The following C19orf25 variants were observed in gnomAD, a reference collection of about 807,000 sequenced individuals.
C19orf25 encodes the protein UPF0449 protein C19orf25.
C19orf25 carries 1 observed loss-of-function variant against 3.1 expected under a neutral mutation model. The ratio of observed to expected loss-of-function variants is 0.32; its 90% CI spans 0.12 to 1.54. The LOEUF (loss-of-function observed/expected upper bound fraction) is 1.54, where lower values mean the gene tolerates loss of function less well. Ranked by LOEUF, C19orf25 falls within the 40% of genes most tolerant of loss-of-function variation. The pLI, the probability that C19orf25 is intolerant of heterozygous loss-of-function variation, is 0.38. For synonymous variants in C19orf25, 91 were observed against 74.3 expected (o/e 1.23, Z -1.16); for missense variants, 196 against 160.4 (o/e 1.22, Z -1.20).
At chr19:1,476,297 G>A (rs2084205092) in intron 2 of C19orf25, 2 of 398,612 alleles carry the variant, frequency 5.0e-6, no homozygotes, top group South Asian at 1.3e-4. Flanking sequence ...GTCATCACCT[G>A]CTTTAGCAAC....
rs181943332 is a variant in C19orf25, at chr19:1,474,954, C to A, written c.*78G>T. 2 of 1,530,820 alleles carry A rather than the reference C, an allele frequency of 1.3e-6. No homozygotes were observed. The highest frequency in any genetic ancestry group is 4.9e-5 in the East Asian group (2 of 40,690). 94.8% of individuals were successfully genotyped at this position (1,530,820 alleles called of 1,614,324 possible). ...GGGCTGGGACCCCGTGAATGCCAGT[C>A]TGGGGCCGACGGACCCCCAGGGAAA... On this transcript the variant is annotated 3_prime_UTR_variant, in exon 3 of 3. Transcript: ENST00000585675.
Position 1,474,842 on chromosome 19 carries a change from G to C in C19orf25, c.*190C>G, listed in dbSNP as rs1465344928. 2 of 1,468,728 alleles carry C rather than the reference G, an allele frequency of 1.4e-6. No homozygotes were observed. The highest frequency in any genetic ancestry group is 1.8e-6 in the Non-Finnish European group (2 of 1,110,680). The allele number at this position is 1,468,728 out of a possible 1,614,324, so 91.0% of individuals were successfully genotyped here. A position where few individuals can be genotyped will look rare whatever the true frequency, so the allele number is the denominator to read the frequency against. On this transcript the variant is annotated 3_prime_UTR_variant, in exon 3 of 3. Coordinates refer to ENST00000585675, the MANE Select transcript of C19orf25 (RefSeq NM_152482.3). ...AGGTCACGCAGGACGGAGCCAGCTG[G>C]GTGGGTCCCACCAACTCGGCATGAA... is the stretch of plus-strand genomic sequence containing the variant.
rs373394316 is a variant in C19orf25 at position 1,475,189 on chromosome 19, C to G, written c.200G>C (p.Arg67Pro). The change falls in exon 3 of 3, where the codon CGG (arginine) becomes CCG (proline). Residue 67 changes from arginine to proline, a missense_variant. Physicochemically the swap from Arg to Pro is moderately radical, Grantham distance 103. Coordinates refer to ENST00000585675, the MANE Select transcript of C19orf25 (RefSeq NM_152482.3). ...APGEQLYQQS[R>P]AYVAANQRLQ... ...CCGCTGGTTGGCAGCCACGTAGGCC[C>G]GGCTTTGCTGGTAGAGCTGCTCTCC... The G allele has an allele frequency of 6.4e-7, 1 of 1,570,682 alleles. No homozygotes were observed. The highest frequency in any genetic ancestry group is 8.6e-7 in the Non-Finnish European group (1 of 1,159,150).
chr19:1,478,613 C>T (rs145593744), intron 2 of C19orf25, 161 bp downstream of exon 2: 1 of 1,416,528 alleles, frequency 7.1e-7, no homozygotes, highest in East Asian at 2.8e-5. Flanking sequence ...ATCGGTCCCA[C>T]TCTACGGAGG....
chr19:1,478,685 G>A (rs1454708024), intron 2 of C19orf25, 89 bp downstream of exon 2: 1 of 1,518,020 alleles, frequency 6.6e-7, no homozygotes, highest in Non-Finnish European at 8.8e-7. Flanking sequence ...CCCAGGGCGT[G>A]GGGTCAGGAG....
intron 2 of C19orf25, 96 bp from the exon 3 acceptor site, chr19:1,475,354 C>T (rs1164156776): frequency 1.0e-5 from 13 of 1,272,164 alleles, no homozygotes; most frequent in Non-Finnish European, 1.3e-5. Context: ...TCCCTGCAGT[C>T]CCCGAGTGAG....
chr19:1,476,914 C>T (rs1184215406), intron 2 of C19orf25, among the ~76,000 whole-genome samples: 3 of 151,294 alleles, frequency 2.0e-5, no homozygotes, highest in Non-Finnish European at 4.4e-5. Context: ...CTGCACCTGG[C>T]CCCAGAATTT....
At position 1,475,145 on chromosome 19, in the gene C19orf25, C is replaced by G; in HGVS notation, c.244G>C (p.Val82Leu). 6.3e-7 allele frequency: 1 copy of G among 1,592,320 alleles called. No individual in the cohort carries two copies. The highest frequency in any genetic ancestry group is 8.5e-7 in the Non-Finnish European group (1 of 1,170,714). The change falls in exon 3 of 3, where the codon GTG becomes CTG. Residue 82 changes from valine to leucine, a missense_variant. Coordinates refer to ENST00000585675, the MANE Select transcript of C19orf25 (RefSeq NM_152482.3). ...ANQRLQQAGN[V>L]LRQRCELLQR... ...AGGAGCTCACACCTCTGCCTCAGCA[C>G]GTTGCCCGCCTGCTGCAGCCGCTGG...
intron 2 of C19orf25, among the ~76,000 whole-genome samples, chr19:1,477,270 G>T (rs1227575712): frequency 6.6e-6 from 1 of 152,158 alleles, no homozygotes. Flanking sequence ...CCAAAGTGCT[G>T]GGATTACAGG....
rs1323302346 is a variant in C19orf25, at chr19:1,478,852, G to C, written c.52C>G (p.Pro18Ala). 1 of 1,595,428 alleles carries C rather than the reference G, an allele frequency of 6.3e-7. No homozygotes were observed. ...TCCTCCAGGATCTGCTCCACCGTGG[G>C]GGGCGCTGGGCGGGTGGGCAGCAGC... ...RVLLPTRPAP[P>A]TVEQILEDVR... The change falls in exon 2 of 3, where the codon CCC becomes GCC. Residue 18 changes from proline (P) to alanine (A), a missense_variant. By Grantham distance (27) the Pro-to-Ala change is conservative. Transcript: ENST00000585675.
chr19:1,478,581 C>T, intron 2 of C19orf25, 193 bp downstream of exon 2: 4 of 1,391,986 alleles, frequency 2.9e-6, no homozygotes, highest in Non-Finnish European at 3.7e-6. Flanking sequence ...GCCTCCACCC[C>T]TGTCAGAAGA....
At position 1,474,615 on chromosome 19, in the gene C19orf25, C is replaced by A; in HGVS notation, c.*417G>T. ...GCTGCTCTGACATTGGGTGGGCACTCGCTGGATGGAATCACAGTTAACACC... is the reference window on the plus strand; with the variant it reads ...GCTGCTCTGACATTGGGTGGGCACTAGCTGGATGGAATCACAGTTAACACC... On this transcript the variant is annotated 3_prime_UTR_variant, in exon 3 of 3. Coordinates refer to ENST00000585675, the MANE Select transcript of C19orf25 (RefSeq NM_152482.3). 2 of 500,568 alleles carry A rather than the reference C, an allele frequency of 4.0e-6. No individual in the cohort carries two copies. The highest frequency in any genetic ancestry group is 6.8e-6 in the Non-Finnish European group (2 of 294,730). 31.0% of individuals were successfully genotyped at this position (500,568 alleles called of 1,614,324 possible). A position where few individuals can be genotyped will look rare whatever the true frequency, so the allele number is the denominator to read the frequency against.
intron 2 of C19orf25, among the ~76,000 whole-genome samples, chr19:1,477,925 C>T (rs1001932998): frequency 1.1e-4 from 17 of 151,834 alleles, no homozygotes; most frequent in African/African-American, 2.9e-4. Context: ...CTGCAACCTC[C>T]GACTCCCAGG....
rs1290307674 is a variant in C19orf25, at chr19:1,475,025, CGA to C, written c.*5_*6del. The C allele has an allele frequency of 1.4e-5, 22 of 1,576,030 alleles. No individual in the cohort carries two copies. The Admixed American group carries it at 2.5e-4, about 18-fold the overall frequency. ...GTGCGCTGCCCAAGCCTGCAGGCCCCGAGAGGTCAGCCTGAGGAGGCAGCCTC... is the reference window on the plus strand; with the variant it reads ...GTGCGCTGCCCAAGCCTGCAGGCCCCGAGGTCAGCCTGAGGAGGCAGCCTC... On this transcript the variant is annotated 3_prime_UTR_variant, in exon 3 of 3. Transcript: ENST00000585675.
At chr19:1,476,022 C>T (rs573365469) in intron 2 of C19orf25, 8 of 395,336 alleles carry the variant, frequency 2.0e-5, no homozygotes, top group Non-Finnish European at 2.7e-5. Flanking sequence ...CCTCCTGGAG[C>T]ACACACTTAG....
In C19orf25 at chr19:1,474,060, T is replaced by G. The variant is rs1008624132; in HGVS notation, c.*972A>C. The G allele has an allele frequency of 2.0e-5, 3 of 152,030 alleles. No individual in the cohort carries two copies. The highest frequency in any genetic ancestry group is 2.0e-4 in the Admixed American group (3 of 15,250). The allele number at this position is 152,030 out of a possible 1,614,324, so 9.4% of individuals were successfully genotyped here. ...CTGGGTCAGGCGGACGGTCCCTGCA[T>G]GCAGTGCCCGGCAGGACTGAGCAGG... On this transcript the variant is annotated 3_prime_UTR_variant, in exon 3 of 3. Coordinates refer to ENST00000585675, the MANE Select transcript of C19orf25 (RefSeq NM_152482.3).
rs1444816081 is a variant in C19orf25, at chr19:1,479,152, C to T, written c.-3+11G>A. Reference sequence around the variant, plus strand: ...TCCCCGCGGTCACCCCAGTCGCCGGCCTCTTCCCACCTGGGCGCGGGACCC... The same window carrying T: ...TCCCCGCGGTCACCCCAGTCGCCGGTCTCTTCCCACCTGGGCGCGGGACCC... On this transcript the variant is annotated intron_variant, in intron 1 of 2. Coordinates refer to ENST00000585675, the MANE Select transcript of C19orf25 (RefSeq NM_152482.3). 7 of 1,285,328 alleles carry T rather than the reference C, an allele frequency of 5.4e-6. No homozygotes were observed. Among genetic ancestry groups the T allele is most frequent in the East Asian group, 6.5e-5 (2 of 30,990 alleles). 79.6% of individuals were successfully genotyped at this position (1,285,328 alleles called of 1,614,324 possible).
intron 2 of C19orf25, 118 bp downstream of exon 2, chr19:1,478,656 T>C: frequency 6.6e-7 from 1 of 1,504,070 alleles, no homozygotes; most frequent in Non-Finnish European, 8.9e-7. Context: ...ATACGGACCG[T>C]GCCCATGTTG....
Position 1,474,530 on chromosome 19 carries a change from T to G in C19orf25, c.*502A>C. 3.0e-6 allele frequency: 1 copy of G among 329,010 alleles called. No homozygotes were observed. Among genetic ancestry groups the G allele is most frequent in the Non-Finnish European group, 5.6e-6 (1 of 179,188 alleles). The allele number at this position is 329,010 out of a possible 1,614,324, so 20.4% of individuals were successfully genotyped here. ...GGGTCGTTGTGAAGATCAACGTGGC[T>G]TGTGGGAGGAGCCCGGGGCCCAGAA... On this transcript the variant is annotated 3_prime_UTR_variant, in exon 3 of 3. Coordinates refer to ENST00000585675, the MANE Select transcript of C19orf25 (RefSeq NM_152482.3).
Sources: gnomAD v4.1 joint callset for allele counts (sites outside exome capture counted in the v4.1 genomes callset) on GRCh38, gnomAD v4.1.1 for gene constraint, MANE v1.5 for transcripts, NCBI Gene and HGNC (gene_info 2026-07-23, HGNC 2026-07-21) for gene names.